The following LRBA variants were observed in gnomAD, a reference collection of about 807,000 sequenced individuals.
The protein encoded by LRBA is LPS responsive beige-like anchor protein.
LRBA carries 176 observed loss-of-function variants against 330.0 expected under a neutral mutation model. The observed-to-expected ratio is 0.53, with a 90% confidence interval of 0.47 to 0.60. The LOEUF (loss-of-function observed/expected upper bound fraction) is 0.60, where lower values mean the gene tolerates loss of function less well. Among genes scored for constraint, LRBA ranks in the 20% least tolerant of loss-of-function variants. LRBA has a pLI of 0.00. For synonymous variants in LRBA, 1,230 were observed against 1,193.0 expected, an observed-to-expected ratio of 1.03 and a Z score of -0.64; for missense variants, 3,259 against 3,444.8, an observed-to-expected ratio of 0.95 and a Z score of 1.35.
At chr4:150,851,262 G>T (rs1360967546) in intron 23 of LRBA, among the ~76,000 whole-genome samples, 1 of 152,168 alleles carries the variant, frequency 6.6e-6, no homozygotes, top group Non-Finnish European at 1.5e-5. Context: ...TTATGAAGTG[G>T]CTAGAATGAA....
chr4:150,277,151 A>G (rs1456541192), intron 56 of LRBA, among the ~76,000 whole-genome samples: 1 of 152,110 alleles, frequency 6.6e-6, no homozygotes, highest in Non-Finnish European at 1.5e-5. Flanking sequence ...GGAAACTGTC[A>G]TTCTCAGCAA....
intron 35 of LRBA, among the ~76,000 whole-genome samples, chr4:150,747,010 C>T (rs1732831320): frequency 6.6e-6 from 1 of 152,096 alleles, no homozygotes; most frequent in Non-Finnish European, 1.5e-5. Flanking sequence ...AGGTATCAGC[C>T]GTCAGCCATC....
intron 37 of LRBA, among the ~76,000 whole-genome samples, chr4:150,600,372 GT>G (rs1773987087): frequency 6.6e-6 from 1 of 151,954 alleles, no homozygotes; most frequent in Non-Finnish European, 1.5e-5. Flanking sequence ...CCAAGTAAAA[GT>G]TACCTTTATT....
chr4:150,348,561 C>T (rs1736717241), intron 48 of LRBA, among the ~76,000 whole-genome samples: 1 of 152,088 alleles, frequency 6.6e-6, no homozygotes. Flanking sequence ...AAACAATATG[C>T]TGGTATATTA....
chr4:150,546,010 C>T (rs1382062326), intron 40 of LRBA, among the ~76,000 whole-genome samples: 1 of 152,042 alleles, frequency 6.6e-6, no homozygotes, highest in Non-Finnish European at 1.5e-5. Flanking sequence ...TATGCTTCCC[C>T]CAAAGCTCTG....
chr4:150,343,982 A>G (rs1735931645), intron 48 of LRBA, among the ~76,000 whole-genome samples: 2 of 152,090 alleles, frequency 1.3e-5, no homozygotes, highest in Admixed American at 1.3e-4. Flanking sequence ...ATGAGGCCCT[A>G]TTGTTCCCTC....
chr4:150,501,993 G>A (rs113044128), intron 40 of LRBA, among the ~76,000 whole-genome samples: 19 of 152,350 alleles, frequency 1.2e-4, no homozygotes, highest in African/African-American at 4.3e-4. Context: ...GTCTCCTGCA[G>A]TAGAGAAAAC....
rs187643034 is a variant in LRBA, at chr4:150,534,395, C to A, written c.6331-43360G>T. ...AATAATAATTTTTTTTAAAAAAACA[C>A]TTTTTAGTACATCATCCAGTATTCC... On this transcript the variant is annotated intron_variant, in intron 40 of 56. Transcript: ENST00000651943. Among the ~76,000 whole-genome samples the A allele has an allele frequency of 3.0e-4, 45 of 149,358 alleles. No homozygotes were observed. The East Asian group carries it at 8.8e-3, about 29-fold the overall frequency.
intron 40 of LRBA, among the ~76,000 whole-genome samples, chr4:150,545,762 G>C (rs899251968): frequency 2.0e-5 from 3 of 152,026 alleles, no homozygotes; most frequent in African/African-American, 7.2e-5. Flanking sequence ...TTAAAAACAT[G>C]ATCAAACAAG....
chr4:150,849,327 C>T (rs1178517057), intron 25 of LRBA, 95 bp downstream of exon 25: 9 of 1,060,756 alleles, frequency 8.5e-6, no homozygotes, highest in South Asian at 1.5e-5. Context: ...ATAGCACCTA[C>T]GATGCATAGT....
At chr4:150,653,516 G>A (rs987124811) in intron 37 of LRBA, among the ~76,000 whole-genome samples, 1 of 152,114 alleles carries the variant, frequency 6.6e-6, no homozygotes, top group Admixed American at 6.5e-5. Flanking sequence ...GGTTGGTCCA[G>A]GCTGACCTTG....
chr4:150,606,049 A>G (rs1774590279), intron 37 of LRBA, among the ~76,000 whole-genome samples: 1 of 152,124 alleles, frequency 6.6e-6, no homozygotes, highest in African/African-American at 2.4e-5. Context: ...GAATTTCTGC[A>G]TGTCACTATT....
At chr4:150,727,598 A>G (rs557843524) in intron 36 of LRBA, among the ~76,000 whole-genome samples, 218 of 152,286 alleles carry the variant, frequency 1.4e-3, no homozygotes, top group Admixed American at 7.1e-3. Flanking sequence ...AAATTAAACA[A>G]TATGTTCCTG....
At chr4:150,880,194 G>C (rs1728204495) in intron 17 of LRBA, among the ~76,000 whole-genome samples, 1 of 152,228 alleles carries the variant, frequency 6.6e-6, no homozygotes, top group African/African-American at 2.4e-5. Flanking sequence ...TTAGCCATAT[G>C]CAGAAGAATG....
rs764764216 is a variant in LRBA at position 150,908,868 on chromosome 4, A to G, written c.1162-11T>C. 2.5e-6 allele frequency: 4 copies of G among 1,585,970 alleles called. No homozygotes were observed. The highest frequency in any genetic ancestry group is 2.7e-5 in the African/African-American group (2 of 74,174). ...GAATTTAAATGTACCCTAAGAATTA[A>G]TTAAAAACAGTTAAATAGTATGCCA... On this transcript the variant is annotated splice_polypyrimidine_tract_variant and intron_variant, in intron 9 of 56. Transcript: ENST00000651943.
At chr4:150,422,866 G>A in intron 46 of LRBA, 2 of 1,194,960 alleles carry the variant, frequency 1.7e-6, no homozygotes, top group South Asian at 1.2e-5. Context: ...TGATCCACCA[G>A]GGCCTCCTAA....
intron 33 of LRBA, 148 bp from the exon 34 acceptor site, chr4:150,798,290 T>A (rs1057359176): frequency 9.0e-6 from 5 of 558,008 alleles, no homozygotes; most frequent in Non-Finnish European, 1.6e-5. Context: ...TACACTATAG[T>A]TAGTTCAAAG....
At chr4:150,933,021 C>G (rs1475870173) in intron 2 of LRBA, among the ~76,000 whole-genome samples, 1 of 152,014 alleles carries the variant, frequency 6.6e-6, no homozygotes, top group Non-Finnish European at 1.5e-5. Context: ...ATTATAGACA[C>G]ATTTATGTAT....
intron 41 of LRBA, 115 bp from the exon 42 acceptor site, chr4:150,487,949 C>A (rs1295619819): frequency 4.2e-6 from 2 of 481,646 alleles, no homozygotes; most frequent in South Asian, 3.4e-5. Context: ...AAATACAATT[C>A]TTACTATATT....
Sources: gnomAD v4.1 joint callset for allele counts (sites outside exome capture counted in the v4.1 genomes callset) on GRCh38, gnomAD v4.1.1 for gene constraint, MANE v1.5 for transcripts, NCBI Gene and HGNC (gene_info 2026-07-23, HGNC 2026-07-21) for gene names.